GALNT5: variants seen among roughly 807,000 people sequenced by gnomAD.
GALNT5 encodes the protein UDP-GalNAc:polypeptide N-acetylgalactosaminyltransferase 5.
GALNT5 carries 72 observed loss-of-function variants against 85.4 expected under a neutral mutation model. That is an observed-to-expected ratio of 0.84 (90% CI 0.70 to 1.03). The LOEUF (loss-of-function observed/expected upper bound fraction) is 1.03, where lower values mean the gene tolerates loss of function less well. GALNT5 is among the 50% of genes least tolerant of loss of function. The pLI, the probability that GALNT5 is intolerant of heterozygous loss-of-function variation, is 0.00. For missense variants in GALNT5, 1,137 were observed against 1,135.5 expected (o/e 1.00, Z -0.02); for synonymous variants, 404 against 397.0 (o/e 1.02, Z -0.21).
At chr2:157,273,761 G>A (rs1055842384) in intron 1 of GALNT5, among the ~76,000 whole-genome samples, 1 of 147,372 alleles carries the variant, frequency 6.8e-6, no homozygotes, top group Non-Finnish European at 1.5e-5. Flanking sequence ...TCCTACCTCA[G>A]CCTTCCAGGT....
At chr2:157,263,352 C>T (rs1682391696) in intron 1 of GALNT5, among the ~76,000 whole-genome samples, 1 of 152,182 alleles carries the variant, frequency 6.6e-6, no homozygotes, top group African/African-American at 2.4e-5. Context: ...CTGGTCCCTT[C>T]CCACAGCCTC....
intron 7 of GALNT5, among the ~76,000 whole-genome samples, chr2:157,304,398 T>C (rs1384689216): frequency 6.6e-6 from 1 of 152,268 alleles, no homozygotes; most frequent in Non-Finnish European, 1.5e-5. Context: ...AACCTGGTAC[T>C]ATTTTTAATG....
chr2:157,298,995 A>G (rs1400010481), intron 5 of GALNT5: 1 of 152,784 alleles, frequency 6.5e-6, no homozygotes, highest in South Asian at 2.1e-4. Context: ...GCCCTCCTCT[A>G]TCAGGGATGG....
At chr2:157,271,330 T>C (rs1202961545) in intron 1 of GALNT5, among the ~76,000 whole-genome samples, 2 of 152,148 alleles carry the variant, frequency 1.3e-5, no homozygotes, top group Admixed American at 1.3e-4. Context: ...AGTTGGAAAG[T>C]TGAGCAGGGG....
intron 1 of GALNT5, among the ~76,000 whole-genome samples, chr2:157,269,169 G>T (rs542955521): frequency 6.6e-6 from 1 of 152,162 alleles, no homozygotes; most frequent in African/African-American, 2.4e-5. Context: ...TGAAAGACTA[G>T]AGTAAGAGTT....
chr2:157,263,826 T>C (rs1323362252), intron 1 of GALNT5, among the ~76,000 whole-genome samples: 3 of 152,238 alleles, frequency 2.0e-5, no homozygotes, highest in Non-Finnish European at 4.4e-5. Flanking sequence ...ATATAGAAGA[T>C]ATTAAAATCT....
chr2:157,295,593 T>C, intron 3 of GALNT5, 70 bp from the exon 4 acceptor site: 1 of 1,271,222 alleles, frequency 7.9e-7, no homozygotes, highest in Non-Finnish European at 1.1e-6. Context: ...CATCAATACC[T>C]TTGAACATGA....
intron 3 of GALNT5, among the ~76,000 whole-genome samples, chr2:157,293,726 GTAA>G (rs1558899910): frequency 6.6e-6 from 1 of 152,120 alleles, no homozygotes; most frequent in Admixed American, 6.5e-5. Context: ...TGTTAACCAA[GTAA>G]TTAATACGAT....
intron 1 of GALNT5, among the ~76,000 whole-genome samples, chr2:157,270,276 C>T (rs976523806): frequency 9.9e-5 from 15 of 152,170 alleles, no homozygotes; most frequent in African/African-American, 2.7e-4. Context: ...TCTTCTTACA[C>T]GCAGGCTGGC....
Position 157,315,531 on chromosome 2 carries a change from C to T in GALNT5, c.*4183C>T, listed in dbSNP as rs753700072. ...ATTGAGATGAGATTGAATTAAACCC[C>T]TTTGGCCTCTTTTGGATGTTGTATA... On this transcript the variant is annotated 3_prime_UTR_variant, in exon 10 of 10. Coordinates refer to ENST00000259056, the MANE Select transcript of GALNT5 (RefSeq NM_014568.3). Among the ~76,000 whole-genome samples, 4 of 152,090 alleles carry T rather than the reference C, an allele frequency of 2.6e-5. 1 individual carries two copies. The highest frequency in any genetic ancestry group is 5.9e-5 in the Non-Finnish European group (4 of 68,018).
intron 1 of GALNT5, among the ~76,000 whole-genome samples, chr2:157,275,021 A>T (rs183915967): frequency 0.012 from 1,763 of 152,304 alleles, 35 homozygotes; most frequent in African/African-American, 0.04. Context: ...AGTGTAAGGA[A>T]GGGATCCAGT....
At chr2:157,281,345 G>A (rs1471217022) in intron 1 of GALNT5, among the ~76,000 whole-genome samples, 2 of 152,170 alleles carry the variant, frequency 1.3e-5, no homozygotes, top group African/African-American at 4.8e-5. Flanking sequence ...GATTACAGGT[G>A]CCCAGCCAGG....
intron 8 of GALNT5, among the ~76,000 whole-genome samples, chr2:157,308,013 A>C (rs1280606664): frequency 6.6e-6 from 1 of 152,230 alleles, no homozygotes; most frequent in Non-Finnish European, 1.5e-5. Flanking sequence ...TCCTCATGCT[A>C]GTAGCAAAGA....
At chr2:157,308,162 G>A (rs1289552825) in intron 8 of GALNT5, among the ~76,000 whole-genome samples, 1 of 152,216 alleles carries the variant, frequency 6.6e-6, no homozygotes, top group Non-Finnish European at 1.5e-5. Flanking sequence ...CCTTAATCAT[G>A]TGGTAGACTG....
rs1161363927 is a variant in GALNT5 at position 157,295,759 on chromosome 2, C to T, written c.1838C>T (p.Ala613Val). 1.2e-6 allele frequency: 2 copies of T among 1,608,090 alleles called. No homozygotes were observed. The highest frequency in any genetic ancestry group is 1.7e-6 in the Non-Finnish European group (2 of 1,174,806). Residue 613 changes from alanine to valine, a missense_variant, in exon 4 of 10, where the codon GCC becomes GTC. Physicochemically the swap from Ala to Val is moderately conservative, Grantham distance 64. Transcript: ENST00000259056. ...GTTTATTTAAGTAGAAAGAAAGTGG[C>T]CTGTCCAGTAATCGAAGTCATCAAT... Reference protein sequence around the residue: ...ERVYLSRKKVACPVIEVINDK... With the variant: ...ERVYLSRKKVVCPVIEVINDK...
In GALNT5 at chr2:157,259,537, G is replaced by A. The variant is rs141644732; in HGVS notation, c.1454+1G>A. On this transcript the variant is annotated splice_donor_variant, in intron 1 of 9. Transcript: ENST00000259056. LOFTEE classifies it high-confidence loss of function. Reference sequence around the variant, plus strand: ...CCATTGAAGACACCAGACCTGCTGGGTAAGACCTATTTCTCTTCTCTTTCC... The same window carrying A: ...CCATTGAAGACACCAGACCTGCTGGATAAGACCTATTTCTCTTCTCTTTCC... The A allele has an allele frequency of 9.0e-6, 12 of 1,327,442 alleles. No homozygotes were observed. The highest frequency in any genetic ancestry group is 3.0e-5 in the South Asian group (1 of 33,672). 82.2% of individuals were successfully genotyped at this position (1,327,442 alleles called of 1,614,324 possible).
At chr2:157,269,128 A>G (rs531731555) in intron 1 of GALNT5, among the ~76,000 whole-genome samples, 32 of 152,294 alleles carry the variant, frequency 2.1e-4, no homozygotes, top group Admixed American at 5.9e-4. Context: ...CCCCTACCCT[A>G]TTACATTAGC....
At chr2:157,260,548 C>G (rs1364122740) in intron 1 of GALNT5, among the ~76,000 whole-genome samples, 1 of 152,174 alleles carries the variant, frequency 6.6e-6, no homozygotes, top group Admixed American at 6.5e-5. Context: ...TATCTGTTAA[C>G]TCAGTTCCCT....
intron 3 of GALNT5, among the ~76,000 whole-genome samples, chr2:157,289,687 T>G (rs1320782190): frequency 1.3e-5 from 2 of 152,182 alleles, no homozygotes; most frequent in Non-Finnish European, 2.9e-5. Context: ...TTTCCAATTT[T>G]TTATTGACCT....
Sources: gnomAD v4.1 joint callset for allele counts (sites outside exome capture counted in the v4.1 genomes callset) on GRCh38, gnomAD v4.1.1 for gene constraint, MANE v1.5 for transcripts, NCBI Gene and HGNC (gene_info 2026-07-23, HGNC 2026-07-21) for gene names.